Variants in DENND1A observed in about 807,000 individuals in gnomAD.
The protein encoded by DENND1A is DENN domain containing 1A, also known as DENN domain-containing protein 1A.
DENND1A carries 51 observed loss-of-function variants against 113.7 expected under a neutral mutation model. That is an observed-to-expected ratio of 0.45 (90% CI 0.36 to 0.57). The LOEUF is 0.57. DENND1A is among the 20% of genes least tolerant of loss of function. DENND1A has a pLI of 0.00. For synonymous variants in DENND1A, 565 were observed against 570.8 expected (o/e 0.99, Z 0.14); for missense variants, 1,258 against 1,395.9 (o/e 0.90, Z 1.57).
At chr9:123,513,529 C>T in intron 13 of DENND1A, among the ~76,000 whole-genome samples, 1 of 152,200 alleles carries the variant, frequency 6.6e-6, no homozygotes, top group Non-Finnish European at 1.5e-5. Context: ...AGAGGACACA[C>T]CAAGGCCCAG....
At position 123,645,877 on chromosome 9, in the gene DENND1A, C is replaced by T. The variant is rs542473783; in HGVS notation, c.618+6136G>A. 2.0e-5 allele frequency among the ~76,000 whole-genome samples: 3 copies of T among 152,326 alleles called. No homozygotes were observed. The South Asian group carries it at 6.2e-4, about 32-fold the overall frequency. The stretch of plus-strand genomic sequence containing the variant: ...TTTCTAAATCACGAATTCTTGGTTT[C>T]ACATTTTCCACATTAAGACTTGGAT... On this transcript the variant is annotated intron_variant, in intron 9 of 23. Transcript: ENST00000394215.
At chr9:123,561,692 C>T (rs185138933) in intron 12 of DENND1A, among the ~76,000 whole-genome samples, 287 of 152,110 alleles carry the variant, frequency 1.9e-3, no homozygotes, top group Non-Finnish European at 3.0e-3. Flanking sequence ...ATGGCTTCCT[C>T]CTTTAATCGG....
rs552570736 is a variant in DENND1A, at chr9:123,718,237, A to C, written c.302+39466T>G. 5.3e-5 allele frequency among the ~76,000 whole-genome samples: 8 copies of C among 152,334 alleles called. No homozygotes were observed. In the South Asian group the frequency reaches 1.7e-3, roughly 32 times the overall value. The stretch of plus-strand genomic sequence containing the variant: ...TCCCAGGTAGACGTACTAATGTAAA[A>C]TGCATTAGTGTTAAGGTGGGGGCTC... On this transcript the variant is annotated intron_variant, in intron 5 of 23. Coordinates refer to ENST00000394215, the MANE Select transcript of DENND1A (RefSeq NM_001352964.2).
At chr9:123,898,717 AT>A (rs1471465813) in intron 1 of DENND1A, among the ~76,000 whole-genome samples, 2 of 152,186 alleles carry the variant, frequency 1.3e-5, no homozygotes, top group Non-Finnish European at 2.9e-5. Context: ...CATTTTCTTA[AT>A]GACAGGTTTT....
At chr9:123,494,265 G>A (rs962321135) in intron 13 of DENND1A, among the ~76,000 whole-genome samples, 5 of 152,172 alleles carry the variant, frequency 3.3e-5, no homozygotes, top group African/African-American at 4.8e-5. Flanking sequence ...GGAGCAGTGC[G>A]AAGCATATGG....
At chr9:123,544,480 A>G (rs1308754208) in intron 13 of DENND1A, among the ~76,000 whole-genome samples, 1 of 152,258 alleles carries the variant, frequency 6.6e-6, no homozygotes, top group African/African-American at 2.4e-5. Context: ...AATGCCCTCA[A>G]ATCACATGTA....
In DENND1A at chr9:123,531,554, TACA is replaced by T. The variant is rs1183833612; in HGVS notation, c.993+26013_993+26015del. On this transcript the variant is annotated intron_variant, in intron 13 of 23. Transcript: ENST00000394215. ...ATCCTTCTCTTCCCCCCTCTCTCTC[TACA>T]CACACACACACACACACACACACAC... is the stretch of plus-strand genomic sequence containing the variant. Among the ~76,000 whole-genome samples, 159 of 103,178 alleles carry T rather than the reference TACA, an allele frequency of 1.5e-3. 1 individual carries two copies. Among genetic ancestry groups the T allele is most frequent in the African/African-American group, 5.5e-3 (149 of 27,114 alleles). The allele number at this position is 103,178 out of a possible 152,430, so 67.7% of individuals were successfully genotyped here.
chr9:123,564,890 A>G (rs2057962073), intron 12 of DENND1A, among the ~76,000 whole-genome samples: 1 of 151,004 alleles, frequency 6.6e-6, no homozygotes, highest in Non-Finnish European at 1.5e-5. Context: ...AGGTTCCCCT[A>G]TTATACATTC....
chr9:123,788,311 C>G (rs1832499505), intron 3 of DENND1A, among the ~76,000 whole-genome samples: 1 of 152,060 alleles, frequency 6.6e-6, no homozygotes, highest in South Asian at 2.1e-4. Context: ...TTCAAACCAT[C>G]CCATACTAAA....
At chr9:123,674,333 G>GTCTCTC (rs147489412) in intron 6 of DENND1A, among the ~76,000 whole-genome samples, 48 of 113,734 alleles carry the variant, frequency 4.2e-4, no homozygotes, top group African/African-American at 1.5e-3. Context: ...CTCTGTCTCT[G>GTCTCTC]TCTCTCTCTC....
At chr9:123,697,460 T>A (rs867014613) in intron 5 of DENND1A, among the ~76,000 whole-genome samples, 33 of 152,164 alleles carry the variant, frequency 2.2e-4, no homozygotes, top group African/African-American at 8.0e-4. Context: ...CTTTAGTGGT[T>A]ATTTGTGAGA....
chr9:123,411,340 A>C (rs2044292600), intron 20 of DENND1A: 1 of 152,230 alleles, frequency 6.6e-6, no homozygotes, highest in African/African-American at 2.4e-5. Context: ...AGCTGGCTCC[A>C]TACTCCCTGG....
intron 1 of DENND1A, among the ~76,000 whole-genome samples, chr9:123,909,209 G>T (rs1853479520): frequency 6.6e-6 from 1 of 152,136 alleles, no homozygotes; most frequent in Middle Eastern, 3.4e-3. Context: ...GGGGTGGGGG[G>T]AGTGGGAAGG....
rs1273728956 is a variant in DENND1A, at chr9:123,711,514, TA to T, written c.303-34726del. ...ATATATATATATATATGTATATATG[TA>T]TATATATATATATATATATATATAA... On this transcript the variant is annotated intron_variant, in intron 5 of 23. Coordinates refer to ENST00000394215, the MANE Select transcript of DENND1A (RefSeq NM_001352964.2). 3.9e-4 allele frequency among the ~76,000 whole-genome samples: 8 copies of T among 20,462 alleles called. No individual in the cohort carries two copies. In the East Asian group the frequency reaches 0.036, roughly 91 times the overall value. The allele number at this position is 20,462 out of a possible 152,430, so 13.4% of individuals were successfully genotyped here.
chr9:123,383,351 G>C (rs1453396065), intron 23 of DENND1A, among the ~76,000 whole-genome samples: 1 of 152,220 alleles, frequency 6.6e-6, no homozygotes, highest in African/African-American at 2.4e-5. Context: ...TCCAGCAGGG[G>C]CTGCAGCCCT....
chr9:123,714,721 G>A (rs1471212852), intron 5 of DENND1A, among the ~76,000 whole-genome samples: 1 of 152,140 alleles, frequency 6.6e-6, no homozygotes, highest in African/African-American at 2.4e-5. Context: ...GCCTTTAAAT[G>A]ATCATAACTA....
intron 13 of DENND1A, among the ~76,000 whole-genome samples, chr9:123,507,723 C>A (rs2134428259): frequency 6.6e-6 from 1 of 150,780 alleles, no homozygotes; most frequent in African/African-American, 2.4e-5. Flanking sequence ...GGCGTGGTTG[C>A]AGACTCCTGC....
intron 21 of DENND1A, among the ~76,000 whole-genome samples, chr9:123,393,541 A>T (rs567258473): frequency 3.4e-4 from 51 of 151,730 alleles, no homozygotes; most frequent in African/African-American, 1.2e-3. Flanking sequence ...AAAAAAATAA[A>T]AAAAAAAAAA....
Position 123,929,894 on chromosome 9 carries a change from C to A in DENND1A, c.12G>T (p.Arg4Ser), listed in dbSNP as rs1857740829. Residue 4 changes from arginine to serine, a missense_variant, in exon 1 of 24, where the codon AGG (arginine) becomes AGT (serine). Around this residue, in one of 2 missense-constraint regions of DENND1A, gnomAD observed 99 missense variants for 164.2 expected, o/e 0.60. Transcript: ENST00000394215. ...CCCGGCCCGGCCGCACTCACTTGAT[C>A]CTGGAGCCCATGGTCCCCAGGCCTC... MGS[R>S]IKQNPETTFE... 1 of 335,476 alleles carries A rather than the reference C, an allele frequency of 3.0e-6. No individual in the cohort carries two copies. Among genetic ancestry groups the A allele is most frequent in the East Asian group, 6.5e-5 (1 of 15,414 alleles). The allele number at this position is 335,476 out of a possible 1,614,324, so 20.8% of individuals were successfully genotyped here. A position where few individuals can be genotyped will look rare whatever the true frequency, so the allele number is the denominator to read the frequency against.
Sources: gnomAD v4.1 joint callset for allele counts (sites outside exome capture counted in the v4.1 genomes callset) on GRCh38, gnomAD v4.1.1 for gene constraint, gnomAD v4.1.1 regional missense constraint, MANE v1.5 for transcripts, NCBI Gene and HGNC (gene_info 2026-07-23, HGNC 2026-07-21) for gene names.